The following LMF1 variants were observed in gnomAD, a reference collection of about 807,000 sequenced individuals.
The protein encoded by LMF1 is lipase maturation factor 1.
Under a neutral mutation model 60.6 loss-of-function variants are expected in LMF1, and 68 were observed. The observed-to-expected ratio is 1.12, with a 90% CI of 0.92 to 1.37. LMF1 has a LOEUF of 1.37. LMF1 is among the 40% of genes most tolerant of loss of function. The pLI is 0.00. For missense variants in LMF1, 948 were observed against 767.2 expected (o/e 1.24, Z -2.78); for synonymous variants, 418 against 324.7 (o/e 1.29, Z -3.09).
At chr16:934,411 C>G in intron 2 of LMF1, 157 bp from the exon 3 acceptor site, 2 of 839,752 alleles carry the variant, frequency 2.4e-6, no homozygotes, top group Non-Finnish European at 3.8e-6. Flanking sequence ...ATTAGGGGAA[C>G]AGGAGCCCCT....
intron 1 of LMF1, among the ~76,000 whole-genome samples, chr16:956,903 C>T (rs1181935601): frequency 6.6e-6 from 1 of 150,446 alleles, no homozygotes; most frequent in Non-Finnish European, 1.5e-5. Context: ...GCCTGTAATT[C>T]CAGCACTTTG....
upstream of LMF1, chr16:971,020 CGGAGGCCCCGCCCATTCT>C (rs781174754): frequency 5.7e-6 from 5 of 873,416 alleles, no homozygotes; most frequent in Non-Finnish European, 5.8e-6. Context: ...CGCCCATTCT[CGGAGGCCCCGCCCATTCT>C]CGGAGGCCCC....
At chr16:860,888 T>C (rs1389169218) in intron 10 of LMF1, among the ~76,000 whole-genome samples, 1 of 152,214 alleles carries the variant, frequency 6.6e-6, no homozygotes, top group Non-Finnish European at 1.5e-5. Context: ...GTTCTGTGTC[T>C]TGAAACTGGG....
Position 889,597 on chromosome 16 carries a change from T to G in LMF1, c.729+3410A>C, listed in dbSNP as rs28497543. ...GCGTCCCCTACAGCATAGGGGCAAC[T>G]TTCCAAGAAAGGGGCACCCCCCTCT... On this transcript the variant is annotated intron_variant, in intron 5 of 10. Transcript: ENST00000262301. Among the ~76,000 whole-genome samples the G allele has an allele frequency of 9.0e-3, 1,378 of 152,268 alleles. 17 individuals carry two copies. Among genetic ancestry groups the G allele is most frequent in the African/African-American group, 0.031 (1,275 of 41,536 alleles).
At chr16:974,009 CAAAAA>C (rs34433197), upstream of LMF1, among the ~76,000 whole-genome samples, 1 of 85,804 alleles carries the variant, frequency 1.2e-5, no homozygotes. Context: ...GACTCTGTCT[CAAAAA>C]AAAAAAAAAA....
At chr16:939,118 A>C (rs1017045715) in intron 2 of LMF1, among the ~76,000 whole-genome samples, 15 of 152,258 alleles carry the variant, frequency 9.9e-5, no homozygotes, top group African/African-American at 3.4e-4. Context: ...ATCCCCAGAG[A>C]AACAACAAGA....
At chr16:958,525 G>A (rs963336584) in intron 1 of LMF1, among the ~76,000 whole-genome samples, 7 of 152,218 alleles carry the variant, frequency 4.6e-5, no homozygotes, top group Non-Finnish European at 7.3e-5. Context: ...CATCACTGCG[G>A]AAATGCCCAT....
Position 920,430 on chromosome 16 carries a change from C to T in LMF1, c.515-9351G>A, listed in dbSNP as rs1041173909. The stretch of plus-strand genomic sequence containing the variant: ...CAGAGCCTCGGAGGAAGGCCAGGCC[C>T]ACTCCAGAGCAAGAACTAAAATCTC... On this transcript the variant is annotated intron_variant, in intron 3 of 10. Transcript: ENST00000262301. Among the ~76,000 whole-genome samples the T allele has an allele frequency of 2.6e-5, 4 of 152,254 alleles. No individual in the cohort carries two copies. In the East Asian group the frequency reaches 5.8e-4, roughly 22 times the overall value.
chr16:896,779 A>T (rs1269291329), intron 4 of LMF1, among the ~76,000 whole-genome samples: 1 of 152,224 alleles, frequency 6.6e-6, no homozygotes, highest in Non-Finnish European at 1.5e-5. Flanking sequence ...AAGAAGAAAA[A>T]AACAAAATAA....
intron 1 of LMF1, among the ~76,000 whole-genome samples, chr16:967,267 C>T (rs899847296): frequency 6.6e-6 from 1 of 152,234 alleles, no homozygotes; most frequent in Non-Finnish European, 1.5e-5. Flanking sequence ...CACACACGCC[C>T]CCGTACTGCA....
intron 2 of LMF1, among the ~76,000 whole-genome samples, chr16:946,310 G>A (rs749156268): frequency 2.6e-5 from 4 of 152,220 alleles, no homozygotes; most frequent in South Asian, 2.1e-4. Context: ...TGTGCTTTCC[G>A]AATTCACTGT....
intron 2 of LMF1, chr16:954,128 A>T (rs2072602587): frequency 6.1e-6 from 4 of 660,824 alleles, no homozygotes; most frequent in Non-Finnish European, 8.4e-6. Flanking sequence ...GCAGTCCTTT[A>T]AGTAAGGAAG....
chr16:874,294 C>T lies in LMF1; in HGVS notation c.898-2953G>A, dbSNP rs1050610674. On this transcript the variant is annotated intron_variant, in intron 6 of 10. Coordinates refer to ENST00000262301, the MANE Select transcript of LMF1 (RefSeq NM_022773.4). The surrounding 1 kb of genome is among the most constrained non-coding windows in gnomAD (Gnocchi z 4.1). ...TGCGGGGCTGGCAGGGCCTCCGGGCCTCTGTCTTGAGCGGGCGTGGGGTGC... is the reference window on the plus strand; with the variant it reads ...TGCGGGGCTGGCAGGGCCTCCGGGCTTCTGTCTTGAGCGGGCGTGGGGTGC... Among the ~76,000 whole-genome samples the T allele has an allele frequency of 2.0e-5, 3 of 150,296 alleles. No individual in the cohort carries two copies. Among genetic ancestry groups the T allele is most frequent in the African/African-American group, 7.3e-5 (3 of 41,192 alleles).
At position 854,302 on chromosome 16, in the gene LMF1, C is replaced by A. The variant is rs1488490694; in HGVS notation, c.*230G>T. 4.4e-6 allele frequency: 3 copies of A among 688,244 alleles called. No individual in the cohort carries two copies. The Admixed American group carries it at 6.1e-5, about 14-fold the overall frequency. The allele number at this position is 688,244 out of a possible 1,614,324, so 42.6% of individuals were successfully genotyped here. ...GGATGGGAGATCAGAGCCCCTGGCG[C>A]CTGGGACAAGGGTTGGCCTGGATGT... On this transcript the variant is annotated 3_prime_UTR_variant, in exon 11 of 11. Transcript: ENST00000262301.
intron 3 of LMF1, among the ~76,000 whole-genome samples, chr16:916,674 C>T (rs376570779): frequency 1.3e-5 from 2 of 152,176 alleles, no homozygotes; most frequent in Admixed American, 6.5e-5. Flanking sequence ...ACATGCAGAG[C>T]CCCAGACCCC....
At chr16:954,773 A>G (rs558438920) in intron 1 of LMF1, 107 bp from the exon 2 acceptor site, 2 of 1,045,434 alleles carry the variant, frequency 1.9e-6, no homozygotes, top group African/African-American at 1.6e-5. Flanking sequence ...GGGGAGGCAG[A>G]GTCTGGCTGA....
intron 1 of LMF1, among the ~76,000 whole-genome samples, chr16:957,437 A>G (rs958693811): frequency 6.6e-6 from 1 of 152,238 alleles, no homozygotes; most frequent in Non-Finnish European, 1.5e-5. Context: ...GATTAAAAAA[A>G]TGAAACAAGA....
intron 1 of LMF1, chr16:976,744 C>G (rs1396046829): frequency 8.8e-6 from 4 of 454,164 alleles, no homozygotes; most frequent in Non-Finnish European, 1.8e-5. Context: ...AGGAGCACAG[C>G]TGTTCCCGAC....
intron 1 of LMF1, chr16:979,183 T>A: frequency 2.3e-6 from 1 of 435,480 alleles, no homozygotes; most frequent in East Asian, 7.1e-5. Flanking sequence ...CTCTGAAAGC[T>A]CCGTCCCGGC....
Sources: allele counts gnomAD v4.1 joint callset (sites outside exome capture counted in the v4.1 genomes callset), GRCh38; gene constraint gnomAD v4.1.1; non-coding constraint Gnocchi (gnomAD v3.1); transcripts MANE v1.5; gene names NCBI Gene and HGNC (gene_info 2026-07-23, HGNC 2026-07-21).